The following ADK variants were observed in gnomAD, a reference collection of about 807,000 sequenced individuals.
The protein encoded by ADK is N6,N6-dimethyladenosine kinase.
A neutral mutation model predicts 44.7 loss-of-function variants in ADK; 24 were observed. The ratio of observed to expected loss-of-function variants is 0.54; its 90% CI spans 0.39 to 0.76. ADK has a LOEUF of 0.76. Among genes scored for constraint, ADK ranks in the 30% least tolerant of loss-of-function variants. The pLI is 0.00. For synonymous variants in ADK, 128 were observed against 142.6 expected, an observed-to-expected ratio of 0.90 and a Z score of 0.73; for missense variants, 321 against 425.1, an observed-to-expected ratio of 0.76 and a Z score of 2.15.
intron 4 of ADK, among the ~76,000 whole-genome samples, chr10:74,327,889 T>C (rs1453288119): frequency 3.3e-5 from 5 of 152,186 alleles, no homozygotes; most frequent in Non-Finnish European, 7.3e-5. Flanking sequence ...CTGTGTACTT[T>C]AACTCCTCTT....
At chr10:74,648,336 A>G (rs546425217) in intron 9 of ADK, among the ~76,000 whole-genome samples, 100 of 152,332 alleles carry the variant, frequency 6.6e-4, no homozygotes, top group African/African-American at 2.3e-3. Flanking sequence ...TATATAAGTA[A>G]ATATAAAAAC....
intron 4 of ADK, among the ~76,000 whole-genome samples, chr10:74,376,074 G>T (rs1249931524): frequency 6.6e-6 from 1 of 151,472 alleles, no homozygotes; most frequent in Non-Finnish European, 1.5e-5. Context: ...ATTGCCATAG[G>T]TACTTGGATC....
intron 1 of ADK, among the ~76,000 whole-genome samples, chr10:74,185,932 A>T (rs1842743126): frequency 6.7e-6 from 1 of 148,168 alleles, no homozygotes; most frequent in South Asian, 2.2e-4. Flanking sequence ...ACTGCAACCT[A>T]CCTCTCCTGG....
intron 6 of ADK, among the ~76,000 whole-genome samples, chr10:74,500,287 C>G (rs557849230): frequency 7.7e-4 from 118 of 152,324 alleles, no homozygotes; most frequent in African/African-American, 2.5e-3. Context: ...CTTTTTCCCC[C>G]ACTCCAGTCA....
At chr10:74,234,524 A>T (rs946941162) in intron 3 of ADK, among the ~76,000 whole-genome samples, 2 of 152,214 alleles carry the variant, frequency 1.3e-5, no homozygotes, top group African/African-American at 4.8e-5. Context: ...TACCTACTTG[A>T]AAAGTATTTA....
intron 3 of ADK, among the ~76,000 whole-genome samples, chr10:74,229,412 T>G (rs79764692): frequency 1.4e-5 from 2 of 147,966 alleles, no homozygotes; most frequent in African/African-American, 5.0e-5. Context: ...TTTTTTTTTT[T>G]GGTGAGATGG....
At chr10:74,254,899 T>C (rs1845773536) in intron 3 of ADK, among the ~76,000 whole-genome samples, 1 of 152,202 alleles carries the variant, frequency 6.6e-6, no homozygotes, top group African/African-American at 2.4e-5. Context: ...TGGATAATCA[T>C]TGTTCAAACT....
At chr10:74,617,722 A>G (rs917270144) in intron 9 of ADK, among the ~76,000 whole-genome samples, 1 of 151,736 alleles carries the variant, frequency 6.6e-6, no homozygotes, top group Non-Finnish European at 1.5e-5. Context: ...CAGCCTCCCA[A>G]GTAGCTAGGA....
chr10:74,357,526 C>G (rs1462670333), intron 4 of ADK, among the ~76,000 whole-genome samples: 1 of 146,210 alleles, frequency 6.8e-6, no homozygotes, highest in Non-Finnish European at 1.5e-5. Context: ...GTCTCAAACT[C>G]TTGGGCTCAA....
At chr10:74,574,607 A>G (rs1257147920) in intron 7 of ADK, among the ~76,000 whole-genome samples, 1 of 152,234 alleles carries the variant, frequency 6.6e-6, no homozygotes, top group Non-Finnish European at 1.5e-5. Flanking sequence ...AAAGATTTAA[A>G]TGCAATATTC....
At chr10:74,535,989 C>A (rs1478710222) in intron 7 of ADK, among the ~76,000 whole-genome samples, 1 of 152,008 alleles carries the variant, frequency 6.6e-6, no homozygotes, top group African/African-American at 2.4e-5. Flanking sequence ...AATCATCACT[C>A]TGATTTATTT....
intron 7 of ADK, among the ~76,000 whole-genome samples, chr10:74,553,296 G>C (rs960993231): frequency 1.4e-5 from 2 of 138,638 alleles, no homozygotes; most frequent in African/African-American, 5.5e-5. Flanking sequence ...CACCTCCCAG[G>C]TTCAAGCGAT....
chr10:74,219,216 A>G (rs111356591), intron 2 of ADK, among the ~76,000 whole-genome samples: 21 of 151,612 alleles, frequency 1.4e-4, no homozygotes, highest in Non-Finnish European at 2.8e-4. Context: ...AGGGCTTGCA[A>G]TCCTAGTCTC....
intron 1 of ADK, among the ~76,000 whole-genome samples, chr10:74,188,353 T>TC (rs1298522155): frequency 7.9e-6 from 1 of 126,480 alleles, no homozygotes; most frequent in Non-Finnish European, 1.5e-5. Context: ...ATTTTTTTTT[T>TC]TTTTTTTTTT....
At position 74,602,105 on chromosome 10, in the gene ADK, C is replaced by CAAAAA. The variant is rs58400071; in HGVS notation, c.877+1632_877+1636dup. Reference sequence around the variant, plus strand: ...GGATGACAGACCAAGACCCTGTCTCCAAAAAAAAAAAAAAAAAAAAAAAAG... The same window carrying CAAAAA: ...GGATGACAGACCAAGACCCTGTCTCCAAAAAAAAAAAAAAAAAAAAAAAAAAAAAG... On this transcript the variant is annotated intron_variant, in intron 9 of 10. Transcript: ENST00000539909. Among the ~76,000 whole-genome samples the CAAAAA allele has an allele frequency of 2.6e-3, 127 of 48,532 alleles. 1 individual carries two copies. Among genetic ancestry groups the CAAAAA allele is most frequent in the African/African-American group, 4.1e-3 (47 of 11,486 alleles). 31.8% of individuals were successfully genotyped at this position (48,532 alleles called of 152,430 possible).
chr10:74,448,348 G>A lies in ADK; in HGVS notation c.555+49769G>A, dbSNP rs751867279. Among the ~76,000 whole-genome samples, 5 of 152,014 alleles carry A rather than the reference G, an allele frequency of 3.3e-5. No individual in the cohort carries two copies. The South Asian group carries it at 6.2e-4, about 19-fold the overall frequency. On this transcript the variant is annotated intron_variant, in intron 6 of 10. Coordinates refer to ENST00000539909, the MANE Select transcript of ADK (RefSeq NM_006721.4). Reference sequence around the variant, plus strand: ...GTGCTGATTATGCCACCTATTAGCCGTATGACCTTGGACAACTGTAAGCCT... The same window carrying A: ...GTGCTGATTATGCCACCTATTAGCCATATGACCTTGGACAACTGTAAGCCT...
chr10:74,556,198 GC>G (rs1850239822), intron 7 of ADK, among the ~76,000 whole-genome samples: 1 of 152,118 alleles, frequency 6.6e-6, no homozygotes, highest in South Asian at 2.1e-4. Flanking sequence ...TGTTTTACAT[GC>G]CCATTTGCTC....
chr10:74,195,863 G>A (rs1210983215), intron 1 of ADK, among the ~76,000 whole-genome samples: 1 of 151,810 alleles, frequency 6.6e-6, no homozygotes, highest in Non-Finnish European at 1.5e-5. Context: ...TTTTTGTAGA[G>A]ATGGAGTCTC....
intron 2 of ADK, 60 bp from the exon 3 acceptor site, chr10:74,224,478 G>T: frequency 7.2e-7 from 1 of 1,388,306 alleles, no homozygotes; most frequent in Non-Finnish European, 1.0e-6. Context: ...GAAGAGGTCA[G>T]CTAACTTACG....
Sources: gnomAD v4.1 joint callset for allele counts (sites outside exome capture counted in the v4.1 genomes callset) on GRCh38, gnomAD v4.1.1 for gene constraint, MANE v1.5 for transcripts, NCBI Gene and HGNC (gene_info 2026-07-23, HGNC 2026-07-21) for gene names.